The following NAALADL2 variants were observed in gnomAD, a reference collection of about 807,000 sequenced individuals.
NAALADL2 encodes the protein N-acetylated alpha-linked acidic dipeptidase like 2.
Under a neutral mutation model 87.2 loss-of-function variants are expected in NAALADL2, and 76 were observed. That is an observed-to-expected ratio of 0.87 (90% CI 0.72 to 1.05). NAALADL2 has a LOEUF of 1.05. Among genes scored for constraint, NAALADL2 ranks in the 50% least tolerant of loss-of-function variants. The pLI, the probability that NAALADL2 is intolerant of heterozygous loss-of-function variation, is 0.00. For synonymous variants in NAALADL2, 354 were observed against 331.0 expected, an observed-to-expected ratio of 1.07 and a Z score of -0.75; for missense variants, 1,089 against 945.8, an observed-to-expected ratio of 1.15 and a Z score of -1.99.
chr3:175,591,434 A>G (rs1419135586), intron 10 of NAALADL2, among the ~76,000 whole-genome samples: 1 of 150,260 alleles, frequency 6.7e-6, no homozygotes, highest in Non-Finnish European at 1.5e-5. Flanking sequence ...GTGGTTTGTT[A>G]ACAGAAAATA....
intron 6 of NAALADL2, among the ~76,000 whole-genome samples, chr3:175,449,593 C>A (rs1179245922): frequency 6.6e-6 from 1 of 151,840 alleles, no homozygotes; most frequent in Admixed American, 6.6e-5. Context: ...CGGGGTCTCA[C>A]CATGTTAACC....
chr3:175,766,129 G>T lies in NAALADL2; in HGVS notation c.2189+10711G>T, dbSNP rs112985810. On this transcript the variant is annotated intron_variant, in intron 13 of 13. Coordinates refer to ENST00000454872, the MANE Select transcript of NAALADL2 (RefSeq NM_207015.3). ...ACTTGATAGTGACAAAATTGCATCT[G>T]TGAGACACCAAATATATCCCTACTT... 1.4e-3 allele frequency among the ~76,000 whole-genome samples: 214 copies of T among 152,216 alleles called. 2 individuals carry two copies. Among genetic ancestry groups the T allele is most frequent in the African/African-American group, 4.8e-3 (198 of 41,556 alleles).
At chr3:175,241,049 C>T (rs79719341) in intron 3 of NAALADL2, among the ~76,000 whole-genome samples, 1 of 152,108 alleles carries the variant, frequency 6.6e-6, no homozygotes, top group Non-Finnish European at 1.5e-5. Flanking sequence ...CTTTTGGCAA[C>T]AGTGCACAAG....
intron 1 of NAALADL2, among the ~76,000 whole-genome samples, chr3:175,083,386 T>C (rs1718257076): frequency 6.6e-6 from 1 of 152,228 alleles, no homozygotes; most frequent in South Asian, 2.1e-4. Context: ...TGTGAAAGAA[T>C]GATTCATTTA....
At chr3:174,684,422 G>A (rs1407049699) in intron 2 of NAALADL2, among the ~76,000 whole-genome samples, 3 of 151,942 alleles carry the variant, frequency 2.0e-5, no homozygotes, top group African/African-American at 7.3e-5. Context: ...ATTCCCATAA[G>A]TGTCTGTTAA....
intron 1 of NAALADL2, among the ~76,000 whole-genome samples, chr3:174,890,825 G>C (rs1386278505): frequency 6.6e-6 from 1 of 151,922 alleles, no homozygotes; most frequent in Admixed American, 6.6e-5. Context: ...ATATAAGATA[G>C]GAAAATCATA....
chr3:175,175,776 A>G (rs2108949417), intron 2 of NAALADL2, among the ~76,000 whole-genome samples: 1 of 152,208 alleles, frequency 6.6e-6, no homozygotes, highest in African/African-American at 2.4e-5. Context: ...AGTGAATCTA[A>G]CATTATGTTC....
chr3:174,796,832 T>G (rs60557521), intron 3 of NAALADL2, among the ~76,000 whole-genome samples: 35,758 of 150,818 alleles, frequency 0.24, 4,510 homozygotes, highest in Middle Eastern at 0.3. Context: ...ATGGGATTAT[T>G]TGCCTTTTTT....
At chr3:175,729,375 A>C (rs1483905651) in intron 11 of NAALADL2, among the ~76,000 whole-genome samples, 1 of 152,158 alleles carries the variant, frequency 6.6e-6, no homozygotes, top group Non-Finnish European at 1.5e-5. Context: ...TGAATTAACA[A>C]TGGCCTGAGA....
chr3:174,601,982 T>C (rs1432084358), intron 2 of NAALADL2, among the ~76,000 whole-genome samples: 3 of 152,184 alleles, frequency 2.0e-5, no homozygotes, highest in Non-Finnish European at 4.4e-5. Flanking sequence ...TTCTGGGTTC[T>C]GTATTCTGTT....
intron 11 of NAALADL2, among the ~76,000 whole-genome samples, chr3:175,677,359 CAA>C (rs113531403): frequency 6.9e-6 from 1 of 144,824 alleles, no homozygotes; most frequent in Non-Finnish European, 1.5e-5. Flanking sequence ...GAGACTCTGT[CAA>C]AAAAAAAAAT....
intron 2 of NAALADL2, among the ~76,000 whole-genome samples, chr3:174,681,835 G>A (rs1027433066): frequency 1.6e-4 from 25 of 152,310 alleles, no homozygotes; most frequent in African/African-American, 5.5e-4. Flanking sequence ...TAGTGGACTT[G>A]TTGGGTCCCT....
At chr3:175,322,135 C>G (rs1759979641) in intron 4 of NAALADL2, among the ~76,000 whole-genome samples, 1 of 150,768 alleles carries the variant, frequency 6.6e-6, no homozygotes, top group East Asian at 2.0e-4. Context: ...GGTACCAAAA[C>G]AGAGATACAG....
intron 10 of NAALADL2, among the ~76,000 whole-genome samples, chr3:175,599,343 C>A (rs1052378529): frequency 5.3e-5 from 8 of 151,960 alleles, no homozygotes; most frequent in African/African-American, 1.9e-4. Flanking sequence ...ATAATAATAG[C>A]TAACATTTAT....
In NAALADL2 at chr3:175,080,021, A is replaced by G. The variant is rs376730756; in HGVS notation, c.44-16769A>G. ...CTCTTTGTCACCCAGGCTAGAGTGC[A>G]GTGGAGCGATCTCGGCTCACTGCAA... On this transcript the variant is annotated intron_variant, in intron 1 of 13. Coordinates refer to ENST00000454872, the MANE Select transcript of NAALADL2 (RefSeq NM_207015.3). 3.5e-3 allele frequency among the ~76,000 whole-genome samples: 525 copies of G among 151,348 alleles called. 3 individuals are homozygous for G. The highest frequency in any genetic ancestry group is 0.012 in the African/African-American group (509 of 41,026).
At chr3:174,589,629 CA>C (rs1717136321) in intron 2 of NAALADL2, among the ~76,000 whole-genome samples, 1 of 152,158 alleles carries the variant, frequency 6.6e-6, no homozygotes, top group Non-Finnish European at 1.5e-5. Flanking sequence ...TTGACTGAAA[CA>C]TTAGTAATTT....
intron 1 of NAALADL2, among the ~76,000 whole-genome samples, chr3:175,093,429 T>TAA (rs57170982): frequency 0.16 from 23,088 of 146,040 alleles, 2,111 homozygotes; most frequent in East Asian, 0.32. Flanking sequence ...TATATATATA[T>TAA]ATATGTTTTA....
chr3:175,191,622 CTG>C (rs1445057964), intron 2 of NAALADL2, among the ~76,000 whole-genome samples: 1 of 152,162 alleles, frequency 6.6e-6, no homozygotes, highest in East Asian at 1.9e-4. Flanking sequence ...AAGCTTAACT[CTG>C]TCAAGGATAT....
intron 3 of NAALADL2, among the ~76,000 whole-genome samples, chr3:175,249,999 G>A (rs917579164): frequency 1.3e-5 from 2 of 151,830 alleles, no homozygotes; most frequent in African/African-American, 4.8e-5. Flanking sequence ...GAGAAACTCC[G>A]TCTATACTAA....
Sources: allele counts gnomAD v4.1 joint callset (sites outside exome capture counted in the v4.1 genomes callset), GRCh38; gene constraint gnomAD v4.1.1; transcripts MANE v1.5; gene names NCBI Gene and HGNC (gene_info 2026-07-23, HGNC 2026-07-21).